CNTNAP2: variants seen among roughly 807,000 people sequenced by gnomAD.
CNTNAP2 encodes the protein contactin associated protein 2.
A neutral mutation model predicts 155.2 loss-of-function variants in CNTNAP2; 98 were observed. That is an observed-to-expected ratio of 0.63 (90% CI 0.54 to 0.75). CNTNAP2 has a LOEUF of 0.75. CNTNAP2 is among the 30% of genes least tolerant of loss of function. The probability of loss-of-function intolerance (pLI) is 0.00; values close to 1 mark genes in which losing one functional copy is unlikely to be tolerated. For synonymous variants in CNTNAP2, 651 were observed against 631.2 expected (o/e 1.03, Z -0.47); for missense variants, 1,727 against 1,688.1 (o/e 1.02, Z -0.40).
intron 2 of CNTNAP2, among the ~76,000 whole-genome samples, chr7:146,778,867 G>A (rs1802435305): frequency 6.6e-6 from 1 of 152,138 alleles, no homozygotes; most frequent in African/African-American, 2.4e-5. Context: ...CATCCACCAC[G>A]TGGTCCAGGT....
At chr7:147,625,473 A>G (rs181008767) in intron 12 of CNTNAP2, among the ~76,000 whole-genome samples, 2 of 152,390 alleles carry the variant, frequency 1.3e-5, no homozygotes, top group African/African-American at 4.8e-5. Context: ...TTACAAAATA[A>G]TTTGTAAAAT....
At chr7:148,351,376 A>G (rs1798421374) in intron 21 of CNTNAP2, among the ~76,000 whole-genome samples, 1 of 152,110 alleles carries the variant, frequency 6.6e-6, no homozygotes, top group African/African-American at 2.4e-5. Context: ...AATGCATCCC[A>G]GGGAGTGGGA....
chr7:147,629,171 G>C (rs1417008008), intron 12 of CNTNAP2, among the ~76,000 whole-genome samples: 1 of 152,066 alleles, frequency 6.6e-6, no homozygotes, highest in Non-Finnish European at 1.5e-5. Flanking sequence ...GGAGGCTGAG[G>C]TGGGTGGATC....
At chr7:146,990,908 G>C (rs913537802) in intron 3 of CNTNAP2, among the ~76,000 whole-genome samples, 1 of 152,090 alleles carries the variant, frequency 6.6e-6, no homozygotes, top group Non-Finnish European at 1.5e-5. Flanking sequence ...GGTTTAGCTG[G>C]AGTGTCGTGC....
intron 2 of CNTNAP2, among the ~76,000 whole-genome samples, chr7:146,813,446 T>C (rs1366885486): frequency 6.6e-6 from 1 of 152,208 alleles, no homozygotes; most frequent in African/African-American, 2.4e-5. Flanking sequence ...CCTATTGGAT[T>C]TCAGAGTTGC....
chr7:147,740,562 C>T (rs555453571), intron 13 of CNTNAP2, among the ~76,000 whole-genome samples: 6 of 152,200 alleles, frequency 3.9e-5, no homozygotes, highest in East Asian at 1.9e-4. Flanking sequence ...TTAAGTTGAT[C>T]GGGTTAAGGT....
intron 13 of CNTNAP2, among the ~76,000 whole-genome samples, chr7:147,709,878 A>G (rs953529479): frequency 1.8e-4 from 28 of 152,230 alleles, no homozygotes; most frequent in African/African-American, 6.3e-4. Context: ...TCAAAATTTT[A>G]GTTGCTTATT....
intron 1 of CNTNAP2, among the ~76,000 whole-genome samples, chr7:146,555,832 A>T (rs779802165): frequency 1.3e-5 from 2 of 152,194 alleles, no homozygotes; most frequent in Non-Finnish European, 2.9e-5. Flanking sequence ...CTGGAAGAAC[A>T]TGTCTAACTT....
intron 13 of CNTNAP2, among the ~76,000 whole-genome samples, chr7:147,725,674 C>T (rs1036215730): frequency 2.6e-5 from 4 of 152,056 alleles, no homozygotes; most frequent in Non-Finnish European, 4.4e-5. Flanking sequence ...GCAAGAGCCA[C>T]CCCAAACAGG....
intron 3 of CNTNAP2, among the ~76,000 whole-genome samples, chr7:146,917,182 G>T (rs1016864536): frequency 6.6e-6 from 1 of 152,036 alleles, no homozygotes; most frequent in Non-Finnish European, 1.5e-5. Flanking sequence ...GTCTGAGAGA[G>T]TACTTGATAT....
chr7:146,853,761 A>G (rs1451558517), intron 3 of CNTNAP2, among the ~76,000 whole-genome samples: 1 of 151,960 alleles, frequency 6.6e-6, no homozygotes, highest in Non-Finnish European at 1.5e-5. Flanking sequence ...GTCCTGTTAA[A>G]TGCTGGGTCT....
rs188039846 is a variant in CNTNAP2, at chr7:146,998,775, T to C, written c.403-45132T>C. On this transcript the variant is annotated intron_variant, in intron 3 of 23. Coordinates refer to ENST00000361727, the MANE Select transcript of CNTNAP2 (RefSeq NM_014141.6). ...TCGAATTGACTACTTTATAATGACC[T>C]TTTTGTCTCTTTTCACAGATTTTGG... 6.0e-3 allele frequency among the ~76,000 whole-genome samples: 913 copies of C among 152,078 alleles called. 7 individuals are homozygous for C. Among genetic ancestry groups the C allele is most frequent in the African/African-American group, 0.021 (865 of 41,526 alleles).
At chr7:146,766,265 A>T (rs958133947) in intron 1 of CNTNAP2, among the ~76,000 whole-genome samples, 1 of 152,150 alleles carries the variant, frequency 6.6e-6, no homozygotes, top group African/African-American at 2.4e-5. Flanking sequence ...TAAATTGCTG[A>T]TTATATATGG....
chr7:148,148,165 C>T (rs2116653651), intron 17 of CNTNAP2, among the ~76,000 whole-genome samples: 1 of 152,176 alleles, frequency 6.6e-6, no homozygotes, highest in Non-Finnish European at 1.5e-5. Flanking sequence ...CCATTCCTTT[C>T]TTGCCTATTC....
chr7:146,736,896 T>C (rs1563210372), intron 1 of CNTNAP2, among the ~76,000 whole-genome samples: 1 of 152,108 alleles, frequency 6.6e-6, no homozygotes, highest in Non-Finnish European at 1.5e-5. Context: ...GAAATATCTA[T>C]TAGAGATATA....
At chr7:148,222,956 C>G (rs532097922) in intron 19 of CNTNAP2, among the ~76,000 whole-genome samples, 2 of 152,180 alleles carry the variant, frequency 1.3e-5, no homozygotes, top group Non-Finnish European at 2.9e-5. Context: ...AAAATAGTGT[C>G]TCCCTCACAG....
chr7:147,177,504 A>G, intron 8 of CNTNAP2, among the ~76,000 whole-genome samples: 1 of 152,102 alleles, frequency 6.6e-6, no homozygotes, highest in Admixed American at 6.6e-5. Flanking sequence ...TTCTTTATAA[A>G]TTACCCGTTC....
At chr7:147,443,003 C>T (rs1264724599) in intron 10 of CNTNAP2, among the ~76,000 whole-genome samples, 1 of 152,128 alleles carries the variant, frequency 6.6e-6, no homozygotes, top group East Asian at 1.9e-4. Flanking sequence ...ACTCCTTTAG[C>T]CACCCTGGAT....
At chr7:146,505,138 G>A (rs1234796625) in intron 1 of CNTNAP2, among the ~76,000 whole-genome samples, 1 of 152,158 alleles carries the variant, frequency 6.6e-6, no homozygotes, top group Non-Finnish European at 1.5e-5. Flanking sequence ...CGTCAGCCAT[G>A]GAACTCCTAG....
Sources: allele counts gnomAD v4.1 joint callset (sites outside exome capture counted in the v4.1 genomes callset), GRCh38; gene constraint gnomAD v4.1.1; transcripts MANE v1.5; gene names NCBI Gene and HGNC (gene_info 2026-07-23, HGNC 2026-07-21).